Variants in KCNIP4 observed in about 807,000 individuals in gnomAD.
KCNIP4 encodes Kv channel-interacting protein 4.
KCNIP4 carries 12 observed loss-of-function variants against 34.0 expected under a neutral mutation model. That is an observed-to-expected ratio of 0.35 (90% CI 0.23 to 0.57). KCNIP4 has a LOEUF of 0.57. KCNIP4 is among the 20% of genes least tolerant of loss of function. The pLI is 0.83. For missense variants in KCNIP4, 238 were observed against 311.7 expected (o/e 0.76, Z 1.78); for synonymous variants, 124 against 102.2 (o/e 1.21, Z -1.29).
At chr4:21,504,416 G>A (rs140671983) in intron 1 of KCNIP4, among the ~76,000 whole-genome samples, 1,923 of 141,666 alleles carry the variant, frequency 0.014, 80 homozygotes, top group East Asian at 0.13. Flanking sequence ...TGCAGTGAAC[G>A]GAGATCATGC....
chr4:21,640,081 A>G (rs1275289050), intron 1 of KCNIP4, among the ~76,000 whole-genome samples: 1 of 152,226 alleles, frequency 6.6e-6, no homozygotes, highest in Non-Finnish European at 1.5e-5. Context: ...ACTTACACAG[A>G]TCAAGTAAGA....
intron 1 of KCNIP4, among the ~76,000 whole-genome samples, chr4:21,712,187 AATAAT>A (rs1232224461): frequency 6.6e-6 from 1 of 152,216 alleles, no homozygotes; most frequent in East Asian, 1.9e-4. Context: ...AATATTACAG[AATAAT>A]ATAATCCTTC....
chr4:20,758,508 T>G (rs1754670638), intron 4 of KCNIP4, among the ~76,000 whole-genome samples: 1 of 152,156 alleles, frequency 6.6e-6, no homozygotes, highest in Non-Finnish European at 1.5e-5. Flanking sequence ...AGACCTACAA[T>G]GCATGTGAAT....
chr4:21,809,785 G>T (rs1721515633), intron 1 of KCNIP4, among the ~76,000 whole-genome samples: 1 of 152,096 alleles, frequency 6.6e-6, no homozygotes, highest in Non-Finnish European at 1.5e-5. Flanking sequence ...CTAATGATTT[G>T]CATTTTCAAT....
intron 1 of KCNIP4, among the ~76,000 whole-genome samples, chr4:21,151,176 T>C (rs1454056928): frequency 1.3e-5 from 2 of 152,264 alleles, no homozygotes; most frequent in African/African-American, 2.4e-5. Context: ...GAGTTAAGTG[T>C]AGCTTGTCAT....
In KCNIP4 at chr4:20,940,841, G is replaced by A. The variant is rs548959620; in HGVS notation, c.62-58132C>T. ...CTAATTAATTAGTAGAGGAGAACAT[G>A]AACATCAGCTGAACCGCTGCTGTAA... On this transcript the variant is annotated intron_variant, in intron 1 of 8. Transcript: ENST00000382152. Among the ~76,000 whole-genome samples, 6 of 152,276 alleles carry A rather than the reference G, an allele frequency of 3.9e-5. No homozygotes were observed. The South Asian group carries it at 1.2e-3, about 32-fold the overall frequency.
chr4:21,228,019 C>G (rs1353638475), intron 1 of KCNIP4, among the ~76,000 whole-genome samples: 1 of 152,138 alleles, frequency 6.6e-6, no homozygotes, highest in Non-Finnish European at 1.5e-5. Context: ...TGTACTGCAA[C>G]AATATCACAT....
intron 3 of KCNIP4, among the ~76,000 whole-genome samples, chr4:20,800,723 G>C (rs34653901): frequency 0.053 from 8,117 of 152,184 alleles, 312 homozygotes; most frequent in East Asian, 0.2. Flanking sequence ...TTGTGACTTG[G>C]TCTGACTTAG....
At chr4:20,761,741 AACTG>A (rs1405129012) in intron 3 of KCNIP4, among the ~76,000 whole-genome samples, 9 of 152,326 alleles carry the variant, frequency 5.9e-5, no homozygotes, top group South Asian at 4.1e-4. Flanking sequence ...TGAATTTGTA[AACTG>A]ACTATCTGAT....
At chr4:20,866,906 C>T (rs947160133) in intron 2 of KCNIP4, among the ~76,000 whole-genome samples, 1 of 151,962 alleles carries the variant, frequency 6.6e-6, no homozygotes, top group Non-Finnish European at 1.5e-5. Flanking sequence ...GTCTCAATTA[C>T]AATATTCACA....
At chr4:21,092,327 A>T (rs920189865) in intron 1 of KCNIP4, among the ~76,000 whole-genome samples, 1 of 152,080 alleles carries the variant, frequency 6.6e-6, no homozygotes, top group Non-Finnish European at 1.5e-5. Context: ...GGAGAATTAA[A>T]GAACGAATGT....
At chr4:20,858,005 C>A (rs564283216) in intron 2 of KCNIP4, among the ~76,000 whole-genome samples, 1 of 151,670 alleles carries the variant, frequency 6.6e-6, no homozygotes, top group Admixed American at 6.6e-5. Context: ...GGTCAGAATT[C>A]GAGACCAGCC....
intron 3 of KCNIP4, among the ~76,000 whole-genome samples, chr4:20,776,162 G>A (rs1231141282): frequency 6.6e-6 from 1 of 152,128 alleles, no homozygotes; most frequent in Admixed American, 6.6e-5. Context: ...ATTTCAATCA[G>A]CAAGGGATTC....
chr4:20,854,130 C>A (rs1721329542), intron 2 of KCNIP4, among the ~76,000 whole-genome samples: 1 of 152,164 alleles, frequency 6.6e-6, no homozygotes, highest in Non-Finnish European at 1.5e-5. Context: ...TCTAGCAATC[C>A]TGCTACTGAG....
At chr4:21,562,193 T>A (rs1485277419) in intron 1 of KCNIP4, among the ~76,000 whole-genome samples, 1 of 148,718 alleles carries the variant, frequency 6.7e-6, no homozygotes, top group African/African-American at 2.5e-5. Flanking sequence ...CATTTTTGAA[T>A]ACAAAACAAA....
At chr4:20,742,618 G>A (rs1402540762) in intron 5 of KCNIP4, among the ~76,000 whole-genome samples, 1 of 152,056 alleles carries the variant, frequency 6.6e-6, no homozygotes, top group East Asian at 1.9e-4. Context: ...ATACTGAATG[G>A]GCAAAAACTG....
rs11940213 is a variant in KCNIP4 at position 21,594,551 on chromosome 4, A to G, written c.61+354020T>C. On this transcript the variant is annotated intron_variant, in intron 1 of 8. Coordinates refer to ENST00000382152, the MANE Select transcript of KCNIP4 (RefSeq NM_025221.6). ...GCTCTATAGTAAGTCTTTGGTAAAT[A>G]GAAACCAGCATTAGAAATTATAATG... Among the ~76,000 whole-genome samples the G allele has an allele frequency of 1.3e-3, 198 of 152,246 alleles. 2 individuals carry two copies. The highest frequency in any genetic ancestry group is 4.4e-3 in the African/African-American group (181 of 41,564).
chr4:20,809,850 T>C (rs1715508259), intron 3 of KCNIP4, among the ~76,000 whole-genome samples: 1 of 152,206 alleles, frequency 6.6e-6, no homozygotes. Flanking sequence ...AACTGCTTGT[T>C]CTTACCTTTC....
chr4:21,235,035 C>T (rs1191960639), intron 1 of KCNIP4, among the ~76,000 whole-genome samples: 3 of 152,014 alleles, frequency 2.0e-5, no homozygotes, highest in Non-Finnish European at 4.4e-5. Context: ...ATTAAAAATA[C>T]ACATGTAGAT....
Sources: gnomAD v4.1 joint callset for allele counts (sites outside exome capture counted in the v4.1 genomes callset) on GRCh38, gnomAD v4.1.1 for gene constraint, MANE v1.5 for transcripts, NCBI Gene and HGNC (gene_info 2026-07-23, HGNC 2026-07-21) for gene names.